MECOM: variants seen among roughly 807,000 people sequenced by gnomAD.
MECOM encodes MDS1 and EVI1 complex locus, also known as histone-lysine N-methyltransferase MECOM.
A neutral mutation model predicts 116.3 loss-of-function variants in MECOM; 13 were observed. The ratio of observed to expected loss-of-function variants is 0.11; its 90% CI spans 0.07 to 0.18. The LOEUF is 0.18. Ranked by LOEUF, MECOM falls within the 10% of genes least tolerant of loss-of-function variation. The pLI is 1.00. For missense variants in MECOM, 1,299 were observed against 1,509.0 expected, an observed-to-expected ratio of 0.86 and a Z score of 2.31; for synonymous variants, 528 against 535.2, an observed-to-expected ratio of 0.99 and a Z score of 0.19.
chr3:169,433,669 GAAA>G (rs1742105001), intron 1 of MECOM, among the ~76,000 whole-genome samples: 1 of 145,474 alleles, frequency 6.9e-6, no homozygotes, highest in Non-Finnish European at 1.5e-5. Context: ...AAGAAAGAAA[GAAA>G]GAAAGAAAGA....
rs368424856 is a variant in MECOM, at chr3:169,093,057, G to C, written c.3065C>G (p.Ala1022Gly). ...SPHSELESTG[A>G]ILDDKEDAYF... ...AGCATCTTCTTTGTCATCCAGAATC[G>C]CACCTGTACTTTCCAGTTCAGAATG... The change falls in exon 14 of 17, where the codon GCG becomes GGG. Residue 1022 changes from alanine (A) to glycine (G), a missense_variant. Around this residue, in one of 6 missense-constraint regions of MECOM, gnomAD observed 273 missense variants for 289.3 expected, o/e 0.94. Coordinates refer to ENST00000651503, the MANE Select transcript of MECOM (RefSeq NM_004991.4). 2.1e-5 allele frequency: 34 copies of C among 1,613,470 alleles called. No individual in the cohort carries two copies. The highest frequency in any genetic ancestry group is 2.5e-5 in the Non-Finnish European group (30 of 1,179,718).
At position 169,445,415 on chromosome 3, in the gene MECOM, G is replaced by A. The variant is rs1257441407; in HGVS notation, c.38-63891C>T. Among the ~76,000 whole-genome samples, 13 of 152,204 alleles carry A rather than the reference G, an allele frequency of 8.5e-5. 1 individual carries two copies. Among genetic ancestry groups the A allele is most frequent in the Non-Finnish European group, 1.5e-5 (1 of 68,024 alleles). On this transcript the variant is annotated intron_variant, in intron 1 of 16. Transcript: ENST00000651503. ...CAGAGGGTGGAAGCCCCAAATCTTG[G>A]CAGCTTCCAAGTGGCATTGAGCCTG...
intron 1 of MECOM, among the ~76,000 whole-genome samples, chr3:169,455,494 T>C (rs1388961527): frequency 6.6e-6 from 1 of 152,130 alleles, no homozygotes; most frequent in African/African-American, 2.4e-5. Context: ...AGTTAAAAGG[T>C]AAAGATTACT....
At position 169,291,026 on chromosome 3, in the gene MECOM, C is replaced by A. The variant is rs150707029; in HGVS notation, c.375+90161G>T. 3.1e-4 allele frequency among the ~76,000 whole-genome samples: 47 copies of A among 152,280 alleles called. No individual in the cohort carries two copies. In the East Asian group the frequency reaches 6.8e-3, roughly 22 times the overall value. ...CCAGCCACCTGCCTACTACCACTAC[C>A]ACCTTTGTGGCCTGGGAATCTATCT... On this transcript the variant is annotated intron_variant, in intron 2 of 16. Coordinates refer to ENST00000651503, the MANE Select transcript of MECOM (RefSeq NM_004991.4).
At chr3:169,336,335 T>G (rs1167726855) in intron 2 of MECOM, among the ~76,000 whole-genome samples, 1 of 151,948 alleles carries the variant, frequency 6.6e-6, no homozygotes, top group East Asian at 1.9e-4. Flanking sequence ...ATAAACACAA[T>G]GTTTCTCTCT....
Position 169,344,263 on chromosome 3 carries a change from G to A in MECOM, c.375+36924C>T, listed in dbSNP as rs1387738885. Among the ~76,000 whole-genome samples the A allele has an allele frequency of 3.3e-5, 5 of 151,966 alleles. No homozygotes were observed. The East Asian group carries it at 7.7e-4, about 23-fold the overall frequency. On this transcript the variant is annotated intron_variant, in intron 2 of 16. Transcript: ENST00000651503. ...TTTTTTGTGTAAAATTATCACTTTA[G>A]GCATAGTGTCCTGGAAGTTGTAATA...
At chr3:169,203,766 G>T (rs927868068) in intron 2 of MECOM, among the ~76,000 whole-genome samples, 1 of 152,094 alleles carries the variant, frequency 6.6e-6, no homozygotes, top group Non-Finnish European at 1.5e-5. Flanking sequence ...AACGGCTTCA[G>T]TTGCTGTCAT....
chr3:169,493,625 G>A (rs1418150368), intron 1 of MECOM, among the ~76,000 whole-genome samples: 1 of 151,606 alleles, frequency 6.6e-6, no homozygotes, highest in East Asian at 1.9e-4. Flanking sequence ...TTATATACTG[G>A]GTAACTGAAG....
At chr3:169,419,404 C>A (rs1739314386) in intron 1 of MECOM, among the ~76,000 whole-genome samples, 1 of 152,138 alleles carries the variant, frequency 6.6e-6, no homozygotes. Context: ...CTTCAAATTT[C>A]ACATGTAACC....
intron 1 of MECOM, among the ~76,000 whole-genome samples, chr3:169,599,032 G>A (rs1767494658): frequency 6.6e-6 from 1 of 152,202 alleles, no homozygotes; most frequent in Admixed American, 6.5e-5. Context: ...CACTGGGCCT[G>A]TACCTGATCA....
rs77170779 is a variant in MECOM, at chr3:169,188,506, G to A, written c.376-44674C>T. ...CTGAGTAATCCGAGGGGTAATTACA[G>A]GTCTTTGTCTTAATATGGAAAAATA... On this transcript the variant is annotated intron_variant, in intron 2 of 16. Transcript: ENST00000651503. Among the ~76,000 whole-genome samples the A allele has an allele frequency of 8.4e-3, 1,272 of 152,106 alleles. 9 individuals carry two copies. Among genetic ancestry groups the A allele is most frequent in the South Asian group, 0.018 (87 of 4,820 alleles).
intron 2 of MECOM, among the ~76,000 whole-genome samples, chr3:169,191,564 A>C (rs1747550838): frequency 6.6e-6 from 1 of 151,342 alleles, no homozygotes; most frequent in Non-Finnish European, 1.5e-5. Context: ...GTAAGGAAAG[A>C]GTGAAGGTAG....
chr3:169,389,167 C>T (rs1191883293), intron 1 of MECOM, among the ~76,000 whole-genome samples: 2 of 152,208 alleles, frequency 1.3e-5, no homozygotes, highest in Non-Finnish European at 2.9e-5. Context: ...AACTAGTACT[C>T]CTAAGCTATT....
chr3:169,382,876 A>AGG (rs138284919), intron 1 of MECOM, among the ~76,000 whole-genome samples: 5 of 127,704 alleles, frequency 3.9e-5, no homozygotes, highest in East Asian at 2.8e-4. Context: ...AAAAAAAATA[A>AGG]AAAAAGAAGG....
rs1723693275 is a variant in MECOM, at chr3:169,101,920, G to A, written c.2771+140C>T. Reference sequence around the variant, plus strand: ...CTATTTTTATATTTCACTAAATGAAGAACACTTTGAAGTGCTGGAGATCTA... The same window carrying A: ...CTATTTTTATATTTCACTAAATGAAAAACACTTTGAAGTGCTGGAGATCTA... On this transcript the variant is annotated intron_variant, in intron 11 of 16. Transcript: ENST00000651503. 4.4e-6 allele frequency: 3 copies of A among 678,920 alleles called. No homozygotes were observed. In the South Asian group the frequency reaches 1.3e-4, roughly 30 times the overall value. The allele number at this position is 678,920 out of a possible 1,614,324, so 42.1% of individuals were successfully genotyped here. A position where few individuals can be genotyped will look rare whatever the true frequency, so the allele number is the denominator to read the frequency against.
intron 1 of MECOM, among the ~76,000 whole-genome samples, chr3:169,456,393 A>T (rs942332273): frequency 6.6e-6 from 1 of 152,228 alleles, no homozygotes; most frequent in Non-Finnish European, 1.5e-5. Flanking sequence ...TTGACAAATC[A>T]AGGCAATTAA....
intron 1 of MECOM, among the ~76,000 whole-genome samples, chr3:169,592,952 T>C (rs1345670533): frequency 2.6e-5 from 4 of 152,246 alleles, no homozygotes; most frequent in Non-Finnish European, 5.9e-5. Flanking sequence ...TATGTTTATA[T>C]ATCTAAGACA....
chr3:169,294,611 C>T (rs1715242564), intron 2 of MECOM, among the ~76,000 whole-genome samples: 1 of 152,160 alleles, frequency 6.6e-6, no homozygotes, highest in South Asian at 2.1e-4. Flanking sequence ...GAAAAACAAA[C>T]AAACAACCAA....
At chr3:169,293,768 G>T (rs1318087100) in intron 2 of MECOM, among the ~76,000 whole-genome samples, 2 of 152,156 alleles carry the variant, frequency 1.3e-5, no homozygotes, top group Non-Finnish European at 2.9e-5. Flanking sequence ...TCAGAATAGT[G>T]CCTGGAACAT....
Sources: allele counts gnomAD v4.1 joint callset (sites outside exome capture counted in the v4.1 genomes callset), GRCh38; gene constraint gnomAD v4.1.1; regional missense constraint gnomAD v4.1.1; transcripts MANE v1.5; gene names NCBI Gene and HGNC (gene_info 2026-07-23, HGNC 2026-07-21).